EPC1: variants seen among roughly 807,000 people sequenced by gnomAD.
EPC1 encodes the protein enhancer of polycomb 1.
In EPC1, 12 loss-of-function variants were observed where a neutral mutation model predicts 98.4. That is an observed-to-expected ratio of 0.12 (90% CI 0.08 to 0.20). EPC1 has a LOEUF of 0.20. Ranked by LOEUF, EPC1 falls within the 10% of genes least tolerant of loss-of-function variation. The pLI is 1.00. For synonymous variants in EPC1, 357 were observed against 363.9 expected, an observed-to-expected ratio of 0.98 and a Z score of 0.21; for missense variants, 729 against 990.5, an observed-to-expected ratio of 0.74 and a Z score of 3.54.
chr10:32,355,871 A>T (rs1225193572), intron 1 of EPC1, among the ~76,000 whole-genome samples: 1 of 152,188 alleles, frequency 6.6e-6, no homozygotes, highest in East Asian at 1.9e-4. Context: ...TTGGCCTCCC[A>T]AAGTGCTGGG....
intron 1 of EPC1, among the ~76,000 whole-genome samples, chr10:32,344,162 AT>A (rs1394202747): frequency 6.6e-6 from 1 of 152,262 alleles, no homozygotes; most frequent in Non-Finnish European, 1.5e-5. Flanking sequence ...AGAATCCAGA[AT>A]TCAATTACCT....
rs561879751 is a variant in EPC1 at position 32,288,071 on chromosome 10, G to C, written c.976-797C>G. On this transcript the variant is annotated intron_variant, in intron 6 of 13. Coordinates refer to ENST00000319778, the MANE Select transcript of EPC1 (RefSeq NM_001272004.3). ...AGAAAAAGATCACGGCAAATACCACGGTTATGTAAATACGCTAAATATTCA... is the reference window on the plus strand; with the variant it reads ...AGAAAAAGATCACGGCAAATACCACCGTTATGTAAATACGCTAAATATTCA... 4.6e-5 allele frequency among the ~76,000 whole-genome samples: 7 copies of C among 152,198 alleles called. No individual in the cohort carries two copies. The South Asian group carries it at 1.5e-3, about 32-fold the overall frequency.
intron 10 of EPC1, among the ~76,000 whole-genome samples, chr10:32,274,805 ATG>A (rs1051878769): frequency 1.3e-4 from 20 of 152,226 alleles, no homozygotes; most frequent in African/African-American, 4.8e-4. Context: ...ATAAACAGAA[ATG>A]TGTTATACCA....
intron 1 of EPC1, among the ~76,000 whole-genome samples, chr10:32,321,334 G>T (rs1263476105): frequency 6.6e-6 from 1 of 151,914 alleles, no homozygotes; most frequent in African/African-American, 2.4e-5. Flanking sequence ...AAAGTTTGCA[G>T]ATCTTTAATA....
chr10:32,377,916 A>G (rs1839902429), intron 1 of EPC1, among the ~76,000 whole-genome samples: 1 of 152,240 alleles, frequency 6.6e-6, no homozygotes, highest in Admixed American at 6.5e-5. Context: ...AGAGCTTCAA[A>G]GAAATAATAT....
intron 6 of EPC1, among the ~76,000 whole-genome samples, chr10:32,290,865 C>G (rs1476248504): frequency 6.6e-6 from 1 of 151,856 alleles, no homozygotes; most frequent in East Asian, 1.9e-4. Context: ...ACCTCCACCT[C>G]CTGGATTCAA....
intron 10 of EPC1, among the ~76,000 whole-genome samples, chr10:32,280,860 CAAACTCAT>C (rs1836375235): frequency 6.6e-6 from 1 of 152,138 alleles, no homozygotes; most frequent in South Asian, 2.1e-4. Context: ...AGTTAACTTC[CAAACTCAT>C]AAACAACTTG....
At chr10:32,295,329 T>C (rs1835088853) in intron 2 of EPC1, among the ~76,000 whole-genome samples, 1 of 152,208 alleles carries the variant, frequency 6.6e-6, no homozygotes, top group African/African-American at 2.4e-5. Context: ...AGCTGCCAAA[T>C]ACTGCCATCT....
chr10:32,360,190 T>A (rs1839402486), intron 1 of EPC1, among the ~76,000 whole-genome samples: 1 of 152,228 alleles, frequency 6.6e-6, no homozygotes, highest in Non-Finnish European at 1.5e-5. Flanking sequence ...TTCCTAGGTA[T>A]ATTTAGTAGG....
intron 2 of EPC1, among the ~76,000 whole-genome samples, chr10:32,303,458 T>C (rs1182980999): frequency 6.6e-6 from 1 of 152,218 alleles, no homozygotes; most frequent in African/African-American, 2.4e-5. Flanking sequence ...ATACATATCA[T>C]GGAATACTGC....
intron 5 of EPC1, 155 bp from the exon 6 acceptor site, chr10:32,291,477 G>A (rs1468271843): frequency 1.7e-6 from 1 of 576,920 alleles, no homozygotes; most frequent in African/African-American, 1.9e-5. Context: ...TATGTGGTGA[G>A]ATTACTTAAG....
intron 1 of EPC1, among the ~76,000 whole-genome samples, chr10:32,325,030 A>C (rs907972163): frequency 2.6e-5 from 4 of 152,098 alleles, no homozygotes; most frequent in African/African-American, 7.2e-5. Context: ...AAAATAAATA[A>C]ATAAAACCTT....
chr10:32,278,113 G>A (rs1184715723), intron 10 of EPC1, among the ~76,000 whole-genome samples: 2 of 151,852 alleles, frequency 1.3e-5, no homozygotes, highest in African/African-American at 4.8e-5. Flanking sequence ...AGGGAGTCTC[G>A]CTCTGTTGCC....
intron 1 of EPC1, among the ~76,000 whole-genome samples, chr10:32,333,987 AG>A (rs1182519679): frequency 6.6e-6 from 1 of 152,250 alleles, no homozygotes; most frequent in African/African-American, 2.4e-5. Flanking sequence ...AAATTGTGGT[AG>A]AAAGCAAGAT....
intron 1 of EPC1, among the ~76,000 whole-genome samples, chr10:32,376,034 T>A (rs192735309): frequency 7.2e-5 from 11 of 152,082 alleles, no homozygotes; most frequent in Non-Finnish European, 8.8e-5. Context: ...AAATGGAGAA[T>A]AATATAAAAT....
chr10:32,290,534 A>C (rs1186824859), intron 6 of EPC1, among the ~76,000 whole-genome samples: 1 of 150,488 alleles, frequency 6.6e-6, no homozygotes, highest in African/African-American at 2.4e-5. Flanking sequence ...TCATCTGATC[A>C]GGGAGGATTT....
At chr10:32,347,828 T>C (rs1220313231), upstream of EPC1, among the ~76,000 whole-genome samples, 1 of 152,282 alleles carries the variant, frequency 6.6e-6, no homozygotes, top group Non-Finnish European at 1.5e-5. Flanking sequence ...TAATGTTTTA[T>C]AGGCACCGCA....
intron 10 of EPC1, among the ~76,000 whole-genome samples, chr10:32,278,291 C>T (rs1836204849): frequency 6.6e-6 from 1 of 150,934 alleles, no homozygotes; most frequent in African/African-American, 2.4e-5. Flanking sequence ...ATCCACCTGC[C>T]TTGGCCTCCC....
intron 1 of EPC1, among the ~76,000 whole-genome samples, chr10:32,366,303 G>A (rs1001102194): frequency 6.6e-6 from 1 of 152,148 alleles, no homozygotes; most frequent in Non-Finnish European, 1.5e-5. Flanking sequence ...AGAAAATGTT[G>A]CTCTTGCCGT....
Sources: allele counts gnomAD v4.1 joint callset (sites outside exome capture counted in the v4.1 genomes callset), GRCh38; gene constraint gnomAD v4.1.1; transcripts MANE v1.5; gene names NCBI Gene and HGNC (gene_info 2026-07-23, HGNC 2026-07-21).